The following PLEKHA7 variants were observed in gnomAD, a reference collection of about 807,000 sequenced individuals.
PLEKHA7 encodes the protein pleckstrin homology domain-containing family A member 7.
PLEKHA7 carries 104 observed loss-of-function variants against 170.0 expected under a neutral mutation model. The ratio of observed to expected loss-of-function variants is 0.61; its 90% CI spans 0.52 to 0.72. The LOEUF is 0.72. Among genes scored for constraint, PLEKHA7 ranks in the 30% least tolerant of loss-of-function variants. PLEKHA7 has a pLI of 0.00. For synonymous variants in PLEKHA7, 648 were observed against 660.8 expected (o/e 0.98, Z 0.30); for missense variants, 1,615 against 1,671.7 (o/e 0.97, Z 0.59).
intron 3 of PLEKHA7, among the ~76,000 whole-genome samples, chr11:17,000,723 T>C (rs1194278247): frequency 6.6e-6 from 1 of 152,222 alleles, no homozygotes; most frequent in Non-Finnish European, 1.5e-5. Context: ...GGTACAGTCA[T>C]TGTCCCCATC....
chr11:16,931,764 C>T (rs56794211), intron 3 of PLEKHA7, among the ~76,000 whole-genome samples: 14 of 66,760 alleles, frequency 2.1e-4, no homozygotes, highest in African/African-American at 5.1e-4. Context: ...ATCCCCCCCC[C>T]CCCAAAAAAA....
At chr11:16,906,555 G>A (rs1307275388) in intron 3 of PLEKHA7, among the ~76,000 whole-genome samples, 3 of 138,612 alleles carry the variant, frequency 2.2e-5, no homozygotes, top group Non-Finnish European at 4.5e-5. Context: ...GCTCCTAACC[G>A]CGAGTGATCT....
At chr11:16,889,412 A>ATATATAT (rs1459889235) in intron 3 of PLEKHA7, among the ~76,000 whole-genome samples, 12 of 115,488 alleles carry the variant, frequency 1.0e-4, no homozygotes, top group African/African-American at 4.5e-4. Context: ...AAAAAAAAAA[A>ATATATAT]AAAAAAAAAT....
At chr11:16,883,629 G>C (rs777674070) in intron 3 of PLEKHA7, among the ~76,000 whole-genome samples, 6 of 151,992 alleles carry the variant, frequency 3.9e-5, no homozygotes, top group Non-Finnish European at 7.4e-5. Flanking sequence ...TTTTCCCTAA[G>C]GATTTCTGCC....
intron 3 of PLEKHA7, among the ~76,000 whole-genome samples, chr11:17,006,118 C>A (rs1157850077): frequency 6.6e-6 from 1 of 152,022 alleles, no homozygotes; most frequent in East Asian, 1.9e-4. Flanking sequence ...TGCCTGTAAT[C>A]CCAGCACTTT....
chr11:16,829,717 A>G (rs1001595096), intron 9 of PLEKHA7, among the ~76,000 whole-genome samples: 8 of 152,204 alleles, frequency 5.3e-5, no homozygotes, highest in Admixed American at 6.5e-5. Flanking sequence ...CACAGGTTGC[A>G]GTAGCTGAGA....
intron 3 of PLEKHA7, among the ~76,000 whole-genome samples, chr11:16,887,626 C>G: frequency 6.6e-6 from 1 of 151,876 alleles, no homozygotes; most frequent in East Asian, 1.9e-4. Context: ...CAGCTCCTAA[C>G]CGCGAGTGAT....
chr11:16,855,993 G>A, intron 4 of PLEKHA7, 79 bp from the exon 5 acceptor site: 1 of 1,250,352 alleles, frequency 8.0e-7, no homozygotes, highest in Non-Finnish European at 1.2e-6. Flanking sequence ...TTCCAGGTAG[G>A]AATCGGTTGT....
intron 3 of PLEKHA7, among the ~76,000 whole-genome samples, chr11:16,982,856 C>T (rs1344723954): frequency 1.3e-5 from 2 of 151,760 alleles, no homozygotes; most frequent in Non-Finnish European, 2.9e-5. Context: ...GAGAAACTCC[C>T]AACTACTCCA....
In PLEKHA7 at chr11:16,975,072, T is replaced by C. The variant is rs1448155620; in HGVS notation, c.221+38917A>G. ...CAGGTTTTTATATATACTATGTATATATGTACAGTTCTATGAGATTTCATC... is the reference window on the plus strand; with the variant it reads ...CAGGTTTTTATATATACTATGTATACATGTACAGTTCTATGAGATTTCATC... On this transcript the variant is annotated intron_variant, in intron 3 of 26. Transcript: ENST00000531066. 1.1e-5 allele frequency: 8 copies of C among 696,168 alleles called. 2 individuals are homozygous for C. The highest frequency in any genetic ancestry group is 1.6e-5 in the Non-Finnish European group (8 of 505,668). 43.1% of individuals were successfully genotyped at this position (696,168 alleles called of 1,614,324 possible). A position where few individuals can be genotyped will look rare whatever the true frequency, so the allele number is the denominator to read the frequency against.
intron 12 of PLEKHA7, among the ~76,000 whole-genome samples, chr11:16,814,762 ACT>A (rs764639114): frequency 1.2e-4 from 18 of 152,082 alleles, no homozygotes; most frequent in Admixed American, 2.0e-4. Flanking sequence ...ATGAGAAGAC[ACT>A]CTGTGAGGCA....
rs991647760 is a variant in PLEKHA7 at position 16,789,593 on chromosome 11, CAGAG to C, written c.3156+178_3156+181del. ...GCTCCCTCCTGCCACCCTGACAGGCCAGAGAGAAAGGCAGGATGCCCTCCTTGGT... is the reference window on the plus strand; with the variant it reads ...GCTCCCTCCTGCCACCCTGACAGGCCAGAAAGGCAGGATGCCCTCCTTGGT... On this transcript the variant is annotated intron_variant, in intron 22 of 26. Coordinates refer to ENST00000531066, the MANE Select transcript of PLEKHA7 (RefSeq NM_001329630.2). The surrounding 1 kb of genome is among the most constrained non-coding windows in gnomAD (Gnocchi z 4.6). 3.1e-6 allele frequency: 2 copies of C among 637,666 alleles called. No homozygotes were observed. Among genetic ancestry groups the C allele is most frequent in the African/African-American group, 3.7e-5 (2 of 54,452 alleles). The allele number at this position is 637,666 out of a possible 1,614,324, so 39.5% of individuals were successfully genotyped here.
At chr11:16,886,350 A>G (rs1351772416) in intron 3 of PLEKHA7, among the ~76,000 whole-genome samples, 1 of 152,242 alleles carries the variant, frequency 6.6e-6, no homozygotes, top group Non-Finnish European at 1.5e-5. Flanking sequence ...CCAGAAAGCA[A>G]CTGCAAAAAG....
intron 3 of PLEKHA7, among the ~76,000 whole-genome samples, chr11:16,911,728 G>C (rs1224206837): frequency 6.6e-6 from 1 of 152,050 alleles, no homozygotes; most frequent in Non-Finnish European, 1.5e-5. Flanking sequence ...AAACTGAAAA[G>C]CCATCCTCAA....
chr11:16,800,046 G>A (rs963865245), intron 17 of PLEKHA7, among the ~76,000 whole-genome samples: 2 of 152,190 alleles, frequency 1.3e-5, no homozygotes, highest in Non-Finnish European at 2.9e-5. Flanking sequence ...TAAACAAAGA[G>A]CCTTGGTTAG....
chr11:16,985,167 G>A (rs1863651146), intron 3 of PLEKHA7, among the ~76,000 whole-genome samples: 1 of 152,210 alleles, frequency 6.6e-6, no homozygotes, highest in Non-Finnish European at 1.5e-5. Context: ...ATCTAAGAAT[G>A]CCCAGCACCT....
chr11:16,963,990 C>A (rs981851830), intron 3 of PLEKHA7, among the ~76,000 whole-genome samples: 1 of 152,206 alleles, frequency 6.6e-6, no homozygotes, highest in African/African-American at 2.4e-5. Flanking sequence ...TTCCCTCAGG[C>A]CCTAGAAACC....
At chr11:16,928,976 T>A (rs1338842341) in intron 3 of PLEKHA7, among the ~76,000 whole-genome samples, 1 of 152,190 alleles carries the variant, frequency 6.6e-6, no homozygotes, top group African/African-American at 2.4e-5. Flanking sequence ...AGAATTACAG[T>A]TGATTTTTAC....
chr11:16,887,630 G>A (rs1199609936), intron 3 of PLEKHA7, among the ~76,000 whole-genome samples: 5 of 152,176 alleles, frequency 3.3e-5, no homozygotes, highest in Admixed American at 1.3e-4. Context: ...TCCTAACCGC[G>A]AGTGATCTGC....
Sources: gnomAD v4.1 joint callset for allele counts (sites outside exome capture counted in the v4.1 genomes callset) on GRCh38, gnomAD v4.1.1 for gene constraint, Gnocchi (gnomAD v3.1) non-coding constraint, MANE v1.5 for transcripts, NCBI Gene and HGNC (gene_info 2026-07-23, HGNC 2026-07-21) for gene names.